IL6R: variants seen among roughly 807,000 people sequenced by gnomAD.
IL6R encodes the protein interleukin-6 receptor subunit alpha.
A neutral mutation model predicts 48.3 loss-of-function variants in IL6R; 38 were observed. That is an observed-to-expected ratio of 0.79 (90% confidence interval 0.61 to 1.03). The LOEUF is 1.03. Among genes scored for constraint, IL6R ranks in the 50% least tolerant of loss-of-function variants. The pLI is 0.00. For synonymous variants in IL6R, 264 were observed against 256.2 expected (o/e 1.03, Z -0.29); for missense variants, 534 against 618.3 (o/e 0.86, Z 1.45).
intron 6 of IL6R, among the ~76,000 whole-genome samples, chr1:154,441,933 CAG>C (rs147247764): frequency 1.3e-5 from 2 of 152,144 alleles, no homozygotes; most frequent in Non-Finnish European, 2.9e-5. Flanking sequence ...TTGTTCCTTT[CAG>C]AGAGTTTTTG....
At chr1:154,450,008 AGG>A in intron 8 of IL6R, 28 bp downstream of exon 8, 1 of 1,393,664 alleles carries the variant, frequency 7.2e-7, no homozygotes, top group Non-Finnish European at 1.0e-6. Flanking sequence ...TCATATTCCC[AGG>A]GTCCGAGGGA....
intron 6 of IL6R, among the ~76,000 whole-genome samples, chr1:154,446,141 A>G (rs1690215566): frequency 6.6e-6 from 1 of 152,174 alleles, no homozygotes; most frequent in African/African-American, 2.4e-5. Flanking sequence ...ACCCTGGGCT[A>G]TAAGTGTGTA....
chr1:154,415,478 G>A (rs1359969566), intron 1 of IL6R, among the ~76,000 whole-genome samples: 1 of 152,146 alleles, frequency 6.6e-6, no homozygotes, highest in African/African-American at 2.4e-5. Flanking sequence ...ATAGCGAGTA[G>A]TTAAAAGCAC....
In IL6R at chr1:154,465,593, C is replaced by T. The variant is rs1251560129; in HGVS notation, c.*213C>T. The T allele has an allele frequency of 6.6e-6, 4 of 601,938 alleles. No homozygotes were observed. Among genetic ancestry groups the T allele is most frequent in the South Asian group, 4.0e-5 (2 of 50,452 alleles). The allele number at this position is 601,938 out of a possible 1,614,324, so 37.3% of individuals were successfully genotyped here. A position where few individuals can be genotyped will look rare whatever the true frequency, so the allele number is the denominator to read the frequency against. On this transcript the variant is annotated 3_prime_UTR_variant, in exon 10 of 10. Transcript: ENST00000368485. ...GGTTTCAAACCTCCCTTTCCAAATGCCCAGCTTAAAGGGGCTAGAGTGAAC... is the reference window on the plus strand; with the variant it reads ...GGTTTCAAACCTCCCTTTCCAAATGTCCAGCTTAAAGGGGCTAGAGTGAAC...
intron 6 of IL6R, 145 bp from the exon 7 acceptor site, chr1:154,447,980 A>T (rs543590869): frequency 1.5e-6 from 1 of 653,556 alleles, no homozygotes; most frequent in East Asian, 2.6e-5. Context: ...AAGTGCTGGG[A>T]TGACAGACGT....
At chr1:154,431,228 T>G (rs1689277597) in intron 3 of IL6R, among the ~76,000 whole-genome samples, 1 of 152,148 alleles carries the variant, frequency 6.6e-6, no homozygotes, top group South Asian at 2.1e-4. Flanking sequence ...AGACCTGGGA[T>G]GGGTTCAGGC....
At chr1:154,458,900 CAAAA>C (rs757806352) in intron 9 of IL6R, among the ~76,000 whole-genome samples, 4 of 123,962 alleles carry the variant, frequency 3.2e-5, no homozygotes, top group Admixed American at 2.6e-4. Context: ...GACTCCATCT[CAAAA>C]AAAAAAAAAA....
intron 7 of IL6R, among the ~76,000 whole-genome samples, chr1:154,449,469 T>G (rs1690462311): frequency 6.6e-6 from 1 of 152,096 alleles, no homozygotes; most frequent in Admixed American, 6.5e-5. Context: ...GCCGAGATCA[T>G]GCCATTGCAC....
chr1:154,439,772 G>A (rs1049995415), intron 6 of IL6R, among the ~76,000 whole-genome samples: 1 of 152,116 alleles, frequency 6.6e-6, no homozygotes, highest in East Asian at 1.9e-4. Flanking sequence ...CCCCCAGCTC[G>A]TGGCAACCAC....
At chr1:154,426,104 CACACAT>C (rs1688947709) in intron 1 of IL6R, among the ~76,000 whole-genome samples, 1 of 149,926 alleles carries the variant, frequency 6.7e-6, no homozygotes, top group African/African-American at 2.5e-5. Context: ...CACACACACA[CACACAT>C]ATACACACAA....
At chr1:154,458,572 G>A (rs1201296805) in intron 9 of IL6R, among the ~76,000 whole-genome samples, 2 of 152,080 alleles carry the variant, frequency 1.3e-5, no homozygotes, top group African/African-American at 4.8e-5. Flanking sequence ...TTTGACGGGA[G>A]GAAACTGAAG....
At chr1:154,458,116 A>G (rs911533260) in intron 9 of IL6R, among the ~76,000 whole-genome samples, 22 of 151,540 alleles carry the variant, frequency 1.5e-4, no homozygotes, top group African/African-American at 4.6e-4. Context: ...ACAGGCGCCC[A>G]CCACCACGCC....
chr1:154,449,049 G>T (rs1436317927), intron 7 of IL6R, among the ~76,000 whole-genome samples: 1 of 146,762 alleles, frequency 6.8e-6, no homozygotes, highest in Non-Finnish European at 1.5e-5. Flanking sequence ...GCCCGCGACC[G>T]CGCCTGGCTA....
intron 3 of IL6R, 65 bp from the exon 4 acceptor site, chr1:154,434,454 T>C: frequency 6.9e-7 from 1 of 1,442,024 alleles, no homozygotes; most frequent in Admixed American, 2.0e-5. Context: ...ACTTCCCCCT[T>C]CTGTCCCGTC....
In IL6R at chr1:154,466,009, C is replaced by T. The variant is rs1342298498; in HGVS notation, c.*629C>T. The T allele has an allele frequency of 6.5e-6, 1 of 153,124 alleles. No individual in the cohort carries two copies. The highest frequency in any genetic ancestry group is 1.5e-5 in the Non-Finnish European group (1 of 68,452). 9.5% of individuals were successfully genotyped at this position (153,124 alleles called of 1,614,324 possible). ...GGTGAATAATACAGTATCTCAGGGC[C>T]TGGTCGTTTTCAACAGAATTATAAT... On this transcript the variant is annotated 3_prime_UTR_variant, in exon 10 of 10. Coordinates refer to ENST00000368485, the MANE Select transcript of IL6R (RefSeq NM_000565.4).
At chr1:154,441,855 G>A (rs1374998113) in intron 6 of IL6R, among the ~76,000 whole-genome samples, 2 of 152,164 alleles carry the variant, frequency 1.3e-5, no homozygotes, top group East Asian at 3.8e-4. Flanking sequence ...GTATGACACT[G>A]GTAAAGTTAG....
intron 1 of IL6R, among the ~76,000 whole-genome samples, chr1:154,410,422 T>TAA (rs1687955476): frequency 8.6e-5 from 13 of 152,046 alleles, no homozygotes; most frequent in Admixed American, 8.5e-4. Flanking sequence ...TGGCTAATTT[T>TAA]TTGTATTTCT....
chr1:154,456,326 C>G (rs1056297928), intron 9 of IL6R, among the ~76,000 whole-genome samples: 10 of 151,802 alleles, frequency 6.6e-5, no homozygotes, highest in Non-Finnish European at 1.2e-4. Context: ...GTGCCTCAGC[C>G]TCCTGAGTAG....
At chr1:154,447,514 C>CATATAT (rs1558323656) in intron 6 of IL6R, among the ~76,000 whole-genome samples, 10 of 76,390 alleles carry the variant, frequency 1.3e-4, no homozygotes, top group Non-Finnish European at 2.8e-4. Flanking sequence ...TATATATATA[C>CATATAT]ACACATACAT....
Sources: gnomAD v4.1 joint callset for allele counts (sites outside exome capture counted in the v4.1 genomes callset) on GRCh38, gnomAD v4.1.1 for gene constraint, MANE v1.5 for transcripts, NCBI Gene and HGNC (gene_info 2026-07-23, HGNC 2026-07-21) for gene names.